ENPP6: variants seen among roughly 807,000 people sequenced by gnomAD.
ENPP6 encodes the protein ectonucleotide pyrophosphatase/phosphodiesterase 6.
ENPP6 carries 32 observed loss-of-function variants against 42.0 expected under a neutral mutation model. The ratio of observed to expected loss-of-function variants is 0.76; its 90% CI spans 0.58 to 1.02. ENPP6 has a LOEUF of 1.02. ENPP6 is among the 50% of genes least tolerant of loss of function. The pLI is 0.00. For synonymous variants in ENPP6, 213 were observed against 216.0 expected (o/e 0.99, Z 0.12); for missense variants, 552 against 566.8 (o/e 0.97, Z 0.27).
intron 2 of ENPP6, among the ~76,000 whole-genome samples, chr4:184,144,872 G>A (rs1463470632): frequency 1.3e-5 from 2 of 152,228 alleles, no homozygotes; most frequent in Admixed American, 6.5e-5. Flanking sequence ...CGTACTCATC[G>A]TTCCTTTATG....
chr4:184,112,442 C>A (rs148172170), intron 6 of ENPP6: 3 of 493,304 alleles, frequency 6.1e-6, no homozygotes, highest in African/African-American at 2.0e-5. Flanking sequence ...TAAAACACAG[C>A]GAGTCTGGAG....
intron 1 of ENPP6, among the ~76,000 whole-genome samples, chr4:184,204,423 C>G (rs774575884): frequency 1.3e-5 from 2 of 152,186 alleles, no homozygotes; most frequent in South Asian, 4.1e-4. Context: ...CTGCCACATG[C>G]GTCCCTAGGT....
intron 6 of ENPP6, among the ~76,000 whole-genome samples, chr4:184,098,265 T>C (rs1579606024): frequency 6.6e-6 from 1 of 152,132 alleles, no homozygotes; most frequent in Non-Finnish European, 1.5e-5. Context: ...GGCCTCTGAG[T>C]GGGGGCTGTC....
chr4:184,116,601 C>T (rs1409859934), intron 5 of ENPP6, among the ~76,000 whole-genome samples: 2 of 152,030 alleles, frequency 1.3e-5, no homozygotes, highest in East Asian at 1.9e-4. Context: ...GGCATGGTGG[C>T]GCATGCCTAT....
At chr4:184,126,504 T>C (rs1246447514) in intron 2 of ENPP6, among the ~76,000 whole-genome samples, 1 of 152,110 alleles carries the variant, frequency 6.6e-6, no homozygotes, top group Admixed American at 6.5e-5. Context: ...AGGCTAAAGG[T>C]AGGATAGGAG....
intron 1 of ENPP6, among the ~76,000 whole-genome samples, chr4:184,215,072 A>G (rs1733176643): frequency 6.6e-6 from 1 of 152,234 alleles, no homozygotes; most frequent in African/African-American, 2.4e-5. Context: ...TCCCGGCCTG[A>G]TGCAGCCCCG....
At position 184,204,767 on chromosome 4, in the gene ENPP6, G is replaced by A. The variant is rs187881821; in HGVS notation, c.241+12812C>T. On this transcript the variant is annotated intron_variant, in intron 1 of 7. Transcript: ENST00000296741. The stretch of plus-strand genomic sequence containing the variant: ...TTTGAGATATGTAAGATTACTAGAC[G>A]TAAAGGGTAATCAGTTCACTAAATG... Among the ~76,000 whole-genome samples the A allele has an allele frequency of 2.8e-3, 423 of 152,154 alleles. 5 individuals carry two copies. The highest frequency in any genetic ancestry group is 3.1e-3 in the Admixed American group (47 of 15,304).
intron 2 of ENPP6, 61 bp downstream of exon 2, chr4:184,153,493 C>T (rs1461384802): frequency 1.4e-5 from 21 of 1,501,842 alleles, no homozygotes; most frequent in Non-Finnish European, 1.9e-5. Context: ...TAACTTGACA[C>T]CGACTGTCCT....
rs758210145 is a variant in ENPP6, at chr4:184,089,261, T to C, written c.*1916A>G. Reference sequence around the variant, plus strand: ...AAATCTTTTGTGAAGGTAAATTCAGTATTTTTAAGCAGTGATCCTTTGCTC... The same window carrying C: ...AAATCTTTTGTGAAGGTAAATTCAGCATTTTTAAGCAGTGATCCTTTGCTC... On this transcript the variant is annotated 3_prime_UTR_variant, in exon 8 of 8. Coordinates refer to ENST00000296741, the MANE Select transcript of ENPP6 (RefSeq NM_153343.4). 5 of 152,204 alleles carry C rather than the reference T, an allele frequency of 3.3e-5. No homozygotes were observed. Among genetic ancestry groups the C allele is most frequent in the Non-Finnish European group, 7.3e-5 (5 of 68,040 alleles). 9.4% of individuals were successfully genotyped at this position (152,204 alleles called of 1,614,324 possible).
chr4:184,164,661 C>T (rs1241880160), intron 1 of ENPP6, among the ~76,000 whole-genome samples: 1 of 152,226 alleles, frequency 6.6e-6, no homozygotes, highest in Non-Finnish European at 1.5e-5. Context: ...AAAGACAACA[C>T]ATTTCTGTTT....
chr4:184,168,802 C>T (rs962490602), intron 1 of ENPP6, among the ~76,000 whole-genome samples: 1 of 152,160 alleles, frequency 6.6e-6, no homozygotes, highest in Non-Finnish European at 1.5e-5. Context: ...GGCCGGCGGG[C>T]AGGCGGCCAC....
chr4:184,128,818 C>A (rs1736547352), intron 2 of ENPP6, among the ~76,000 whole-genome samples: 1 of 152,106 alleles, frequency 6.6e-6, no homozygotes, highest in Non-Finnish European at 1.5e-5. Context: ...AAAAACTGAT[C>A]ATATTCTGGT....
Position 184,117,789 on chromosome 4 carries a change from A to G in ENPP6, c.645T>C (p.Thr215=), listed in dbSNP as rs765957723. Residue 215 remains threonine (T), a synonymous_variant, in exon 4 of 8, where the codon ACT becomes ACC. Transcript: ENST00000296741. ...TCCACTTGGTCATGTACTTCAGGAC[A>G]GTGTCTACAGCCTTGAGGGCATCTT... The part of the protein sequence containing the change: ...QRKDALKAVD[T]VLKYMTKWIQ... The G allele has an allele frequency of 1.2e-6, 2 of 1,614,142 alleles. No homozygotes were observed. The highest frequency in any genetic ancestry group is 2.7e-5 in the African/African-American group (2 of 74,948).
chr4:184,191,755 ATTC>A (rs1732715066), intron 1 of ENPP6, among the ~76,000 whole-genome samples: 1 of 152,248 alleles, frequency 6.6e-6, no homozygotes, highest in Non-Finnish European at 1.5e-5. Flanking sequence ...GATCTTGTAT[ATTC>A]TTGTATGCAG....
chr4:184,141,703 C>G (rs1456642385), intron 2 of ENPP6, among the ~76,000 whole-genome samples: 1 of 151,974 alleles, frequency 6.6e-6, no homozygotes, highest in Non-Finnish European at 1.5e-5. Flanking sequence ...GAAAATAGAG[C>G]ATTAGTGAGA....
At chr4:184,175,560 G>A (rs1737547346) in intron 1 of ENPP6, among the ~76,000 whole-genome samples, 1 of 152,112 alleles carries the variant, frequency 6.6e-6, no homozygotes, top group African/African-American at 2.4e-5. Flanking sequence ...TCACCTTTGG[G>A]AAGAAGCACA....
At chr4:184,131,796 A>AACACACACACACACACAC (rs140275578) in intron 2 of ENPP6, among the ~76,000 whole-genome samples, 9 of 140,668 alleles carry the variant, frequency 6.4e-5, no homozygotes, top group Admixed American at 3.5e-4. Context: ...GGACCAATAG[A>AACACACACACACACACAC]ACACACACAC....
At position 184,209,550 on chromosome 4, in the gene ENPP6, G is replaced by T. The variant is rs968007671; in HGVS notation, c.241+8029C>A. On this transcript the variant is annotated intron_variant, in intron 1 of 7. Transcript: ENST00000296741. The stretch of plus-strand genomic sequence containing the variant: ...AAGTTTAGAGAAAAAAGAATAAAAA[G>T]AAATGAGCAAAGCCTCCAAGAAATA... Among the ~76,000 whole-genome samples the T allele has an allele frequency of 6.7e-4, 101 of 151,754 alleles. 1 individual carries two copies. Among genetic ancestry groups the T allele is most frequent in the Admixed American group, 9.2e-4 (14 of 15,270 alleles).
intron 2 of ENPP6, among the ~76,000 whole-genome samples, chr4:184,129,363 C>A (rs1237873059): frequency 6.6e-6 from 1 of 151,832 alleles, no homozygotes; most frequent in Non-Finnish European, 1.5e-5. Flanking sequence ...AGGCAATGTA[C>A]ACAAATACTT....
Sources: allele counts gnomAD v4.1 joint callset (sites outside exome capture counted in the v4.1 genomes callset), GRCh38; gene constraint gnomAD v4.1.1; transcripts MANE v1.5; gene names NCBI Gene and HGNC (gene_info 2026-07-23, HGNC 2026-07-21).